Variants in KMT5B observed in about 807,000 individuals in gnomAD.
The protein encoded by KMT5B is lysine methyltransferase 5B.
Under a neutral mutation model 83.2 loss-of-function variants are expected in KMT5B, and 10 were observed. The observed-to-expected ratio is 0.12, with a 90% CI of 0.07 to 0.20. KMT5B has a LOEUF of 0.20. Among genes scored for constraint, KMT5B ranks in the 10% least tolerant of loss-of-function variants. The pLI is 1.00. For missense variants in KMT5B, 753 were observed against 1,067.2 expected (o/e 0.71, Z 4.10); for synonymous variants, 349 against 388.8 (o/e 0.90, Z 1.20).
In KMT5B at chr11:68,167,124, A is replaced by C; in HGVS notation, c.1032T>G (p.Val344=). 3.7e-6 allele frequency: 6 copies of C among 1,613,984 alleles called. No homozygotes were observed. Among genetic ancestry groups the C allele is most frequent in the Non-Finnish European group, 5.1e-6 (6 of 1,179,950 alleles). The part of the protein sequence containing the change: ...SRVGLPAPAP[V]INSKYGLRET... ...CTCTGAGTCCATATTTGCTATTGAT[A>C]ACAGGAGCAGGCGCAGGCAGTCCCA... The change falls in exon 10 of 11, where the codon GTT becomes GTG. Residue 344 remains valine (V), a synonymous_variant. Transcript: ENST00000304363.
chr11:68,202,920 T>C (rs1859636921), intron 1 of KMT5B, among the ~76,000 whole-genome samples: 1 of 152,172 alleles, frequency 6.6e-6, no homozygotes, highest in Non-Finnish European at 1.5e-5. Context: ...GTACCCGCTT[T>C]AATTCTTTTG....
chr11:68,175,244 C>T, intron 4 of KMT5B, 61 bp from the exon 5 acceptor site: 1 of 1,347,634 alleles, frequency 7.4e-7, no homozygotes, highest in Non-Finnish European at 1.0e-6. Context: ...ACTGATCCAT[C>T]TTAACAGATC....
intron 1 of KMT5B, among the ~76,000 whole-genome samples, chr11:68,209,727 A>G (rs956675047): frequency 6.6e-6 from 1 of 152,196 alleles, no homozygotes; most frequent in Non-Finnish European, 1.5e-5. Context: ...TCAAAGTGCT[A>G]CTAAGTGGTA....
chr11:68,190,377 A>G (rs570868471), intron 1 of KMT5B, among the ~76,000 whole-genome samples: 3 of 152,222 alleles, frequency 2.0e-5, no homozygotes, highest in Non-Finnish European at 4.4e-5. Flanking sequence ...AGTATTTACT[A>G]TATTATACTT....
chr11:68,198,706 G>T (rs973670194), intron 1 of KMT5B, among the ~76,000 whole-genome samples: 2 of 152,142 alleles, frequency 1.3e-5, no homozygotes, highest in African/African-American at 4.8e-5. Flanking sequence ...AAATTGTTAG[G>T]AAAAACATTT....
At chr11:68,186,949 G>T (rs1189355620) in intron 2 of KMT5B, among the ~76,000 whole-genome samples, 1 of 151,974 alleles carries the variant, frequency 6.6e-6, no homozygotes, top group African/African-American at 2.4e-5. Flanking sequence ...TAAATTTTTG[G>T]TAACAGCATA....
At chr11:68,193,510 CAA>C (rs879822490) in intron 1 of KMT5B, among the ~76,000 whole-genome samples, 1 of 140,672 alleles carries the variant, frequency 7.1e-6, no homozygotes. Context: ...AGGGGAATGG[CAA>C]AAAAAAAAAA....
chr11:68,204,611 G>T (rs944234923), intron 1 of KMT5B, among the ~76,000 whole-genome samples: 19 of 106,158 alleles, frequency 1.8e-4, no homozygotes, highest in Non-Finnish European at 2.2e-4. Flanking sequence ...TAAATTTCCG[G>T]TTTTTTTTTT....
chr11:68,173,679 G>A (rs1009283292), intron 6 of KMT5B, 125 bp downstream of exon 6: 5 of 635,096 alleles, frequency 7.9e-6, no homozygotes, highest in African/African-American at 3.8e-5. Flanking sequence ...AGGCAACGGC[G>A]ATGCATTGGC....
intron 10 of KMT5B, among the ~76,000 whole-genome samples, chr11:68,161,257 G>A (rs766371766): frequency 1.1e-4 from 16 of 152,004 alleles, no homozygotes; most frequent in Non-Finnish European, 2.1e-4. Flanking sequence ...CGGCTAAAGG[G>A]TTTCTTTATG....
chr11:68,179,972 T>TC, intron 4 of KMT5B, 160 bp downstream of exon 4: 1 of 871,506 alleles, frequency 1.1e-6, no homozygotes. Flanking sequence ...AAGTGGTTTT[T>TC]TAAAAAATAC....
chr11:68,160,331 C>G (rs1007557489), intron 10 of KMT5B, among the ~76,000 whole-genome samples: 3 of 152,176 alleles, frequency 2.0e-5, no homozygotes, highest in Non-Finnish European at 4.4e-5. Flanking sequence ...ACATTCCAGA[C>G]TATTATTTAT....
chr11:68,173,684 A>G, intron 6 of KMT5B, 120 bp downstream of exon 6: 1 of 664,872 alleles, frequency 1.5e-6, no homozygotes, highest in Non-Finnish European at 2.5e-6. Context: ...ACGGCGATGC[A>G]TTGGCTACTT....
intron 1 of KMT5B, among the ~76,000 whole-genome samples, chr11:68,193,994 C>A (rs542705125): frequency 1.3e-5 from 2 of 151,632 alleles, no homozygotes; most frequent in East Asian, 3.9e-4. Flanking sequence ...GTATAAAGTA[C>A]AAAGAAAGCT....
intron 1 of KMT5B, among the ~76,000 whole-genome samples, chr11:68,199,742 C>G (rs768515666): frequency 2.0e-5 from 3 of 152,200 alleles, no homozygotes; most frequent in Non-Finnish European, 2.9e-5. Flanking sequence ...TACTAACTGA[C>G]TACTGCTAGC....
chr11:68,209,538 T>C (rs1860603972), intron 1 of KMT5B, among the ~76,000 whole-genome samples: 1 of 152,152 alleles, frequency 6.6e-6, no homozygotes, highest in Non-Finnish European at 1.5e-5. Context: ...TGACCAGGCA[T>C]TCCTATAAAG....
intron 10 of KMT5B, among the ~76,000 whole-genome samples, chr11:68,162,082 CA>C (rs1204234911): frequency 6.6e-6 from 1 of 152,226 alleles, no homozygotes; most frequent in African/African-American, 2.4e-5. Context: ...CCAAGCCAAT[CA>C]CCATGTGCCG....
chr11:68,160,664 G>A (rs1266031135), intron 10 of KMT5B, among the ~76,000 whole-genome samples: 1 of 152,170 alleles, frequency 6.6e-6, no homozygotes, highest in African/African-American at 2.4e-5. Context: ...TTTATTGAGA[G>A]AGGAGCAAGA....
rs879898865 is a variant in KMT5B, at chr11:68,157,211, G to A, written c.*477C>T. 1 of 152,448 alleles carries A rather than the reference G, an allele frequency of 6.6e-6. No homozygotes were observed. The highest frequency in any genetic ancestry group is 1.9e-4 in the East Asian group (1 of 5,204). 9.4% of individuals were successfully genotyped at this position (152,448 alleles called of 1,614,324 possible). The stretch of plus-strand genomic sequence containing the variant: ...AGTGTGAAACTGACAAAACTCCAAG[G>A]GGGAAACATCTAGCAAATAAATCAA... On this transcript the variant is annotated 3_prime_UTR_variant, in exon 11 of 11. Coordinates refer to ENST00000304363, the MANE Select transcript of KMT5B (RefSeq NM_017635.5).
Sources: allele counts gnomAD v4.1 joint callset (sites outside exome capture counted in the v4.1 genomes callset), GRCh38; gene constraint gnomAD v4.1.1; transcripts MANE v1.5; gene names NCBI Gene and HGNC (gene_info 2026-07-23, HGNC 2026-07-21).